C2CD2: variants seen among roughly 807,000 people sequenced by gnomAD.
C2CD2 encodes the protein C2 calcium dependent domain containing 2, also known as C2 domain-containing protein 2.
Under a neutral mutation model 74.3 loss-of-function variants are expected in C2CD2, and 43 were observed. That is an observed-to-expected ratio of 0.58 (90% CI 0.45 to 0.75). C2CD2 has a LOEUF of 0.75. C2CD2 is among the 30% of genes least tolerant of loss of function. The pLI is 0.00. For missense variants in C2CD2, 801 were observed against 916.3 expected (o/e 0.87, Z 1.63); for synonymous variants, 422 against 390.7 (o/e 1.08, Z -0.94).
Position 41,912,185 on chromosome 21 carries a change from C to A in C2CD2, c.953+147G>T, listed in dbSNP as rs1030731053. The A allele has an allele frequency of 1.2e-5, 7 of 561,980 alleles. No homozygotes were observed. In the East Asian group the frequency reaches 2.1e-4, roughly 17 times the overall value. 34.8% of individuals were successfully genotyped at this position (561,980 alleles called of 1,614,324 possible). ...AAAACCCATGTTTGACCTAAAGCTA[C>A]CTTTAAGATGCTTAAGACATCATTT... On this transcript the variant is annotated intron_variant, in intron 7 of 13. Coordinates refer to ENST00000380486, the MANE Select transcript of C2CD2 (RefSeq NM_015500.2).
At chr21:41,897,031 C>T (rs1569055700) in intron 13 of C2CD2, among the ~76,000 whole-genome samples, 1 of 152,230 alleles carries the variant, frequency 6.6e-6, no homozygotes, top group Non-Finnish European at 1.5e-5. Context: ...AGTTCTGAGC[C>T]TGCGTTGCAG....
At chr21:41,927,184 G>A (rs750051941) in intron 2 of C2CD2, among the ~76,000 whole-genome samples, 1 of 152,142 alleles carries the variant, frequency 6.6e-6, no homozygotes, top group Admixed American at 6.5e-5. Context: ...ATTTATTTTT[G>A]AGATGGAGTC....
Position 41,905,789 on chromosome 21 carries a change from A to T in C2CD2, c.1367T>A (p.Ile456Asn), listed in dbSNP as rs113513125. ...PIKVKVIEKD[I>N]SVQAIACRSA... Reference sequence around the variant, plus strand: ...GCGGCAGGCGATGGCCTGGACAGAGATGTCCTTCTCGATCACCTTCACCTT... The same window carrying T: ...GCGGCAGGCGATGGCCTGGACAGAGTTGTCCTTCTCGATCACCTTCACCTT... The change falls in exon 11 of 14, where the codon ATC (isoleucine) becomes AAC (asparagine). Residue 456 changes from isoleucine (I) to asparagine (N), a missense_variant. By Grantham distance (149) the Ile-to-Asn change is moderately radical (BLOSUM62 -3). Coordinates refer to ENST00000380486, the MANE Select transcript of C2CD2 (RefSeq NM_015500.2). 2 of 1,611,556 alleles carry T rather than the reference A, an allele frequency of 1.2e-6. No homozygotes were observed. The highest frequency in any genetic ancestry group is 1.7e-6 in the Non-Finnish European group (2 of 1,177,628).
intron 2 of C2CD2, among the ~76,000 whole-genome samples, chr21:41,935,111 C>T (rs1181292252): frequency 3.3e-5 from 5 of 152,212 alleles, no homozygotes; most frequent in South Asian, 2.1e-4. Context: ...AGGCTGGTCT[C>T]GAACTCCTGA....
At chr21:41,946,885 G>T (rs1301399950) in intron 1 of C2CD2, among the ~76,000 whole-genome samples, 4 of 152,024 alleles carry the variant, frequency 2.6e-5, no homozygotes, top group African/African-American at 9.7e-5. Flanking sequence ...ATGATCAACA[G>T]TCTTTAGTTA....
Position 41,896,634 on chromosome 21 carries a change from G to A in C2CD2, c.1870+2419C>T, listed in dbSNP as rs141240652. On this transcript the variant is annotated intron_variant, in intron 13 of 13. Transcript: ENST00000380486. ...AACCAGCAGAACCTCAGGAGGATTC[G>A]AAATACACAGGCACTCTCAGAAACC... 4.5e-4 allele frequency among the ~76,000 whole-genome samples: 57 copies of A among 126,832 alleles called. 1 individual carries two copies. In the East Asian group the frequency reaches 7.3e-3, roughly 16 times the overall value. 83.2% of individuals were successfully genotyped at this position (126,832 alleles called of 152,430 possible). A position where few individuals can be genotyped will look rare whatever the true frequency, so the allele number is the denominator to read the frequency against.
intron 11 of C2CD2, 126 bp downstream of exon 11, chr21:41,905,598 G>A: frequency 1.7e-6 from 1 of 602,250 alleles, no homozygotes; most frequent in African/African-American, 1.9e-5. Context: ...GATTACGGGT[G>A]TGAGCCACCA....
In C2CD2 at chr21:41,918,842, A is replaced by G; in HGVS notation, c.597+14T>C. 1.2e-6 allele frequency: 2 copies of G among 1,602,794 alleles called. No individual in the cohort carries two copies. The highest frequency in any genetic ancestry group is 1.7e-6 in the Non-Finnish European group (2 of 1,169,966). ...TCACGCCAATGGAAGAATCATAAAA[A>G]CTTACGGACTGACCTCCCCCAGTGC... On this transcript the variant is annotated intron_variant, in intron 4 of 13. Coordinates refer to ENST00000380486, the MANE Select transcript of C2CD2 (RefSeq NM_015500.2).
At chr21:41,902,299 C>T (rs1272773758) in intron 11 of C2CD2, among the ~76,000 whole-genome samples, 1 of 152,160 alleles carries the variant, frequency 6.6e-6, no homozygotes, top group Admixed American at 6.5e-5. Flanking sequence ...GTAACTAGAG[C>T]TATGAAGGGC....
intron 1 of C2CD2, among the ~76,000 whole-genome samples, chr21:41,942,635 G>A (rs1386411107): frequency 6.6e-6 from 1 of 152,198 alleles, no homozygotes; most frequent in Non-Finnish European, 1.5e-5. Context: ...GGCGCACCTC[G>A]CCCAGCACAG....
rs760712870 is a variant in C2CD2, at chr21:41,895,051, G to A, written c.1870+4002C>T. Reference sequence around the variant, plus strand: ...GGCTGGGAAGGCATTGTGTAGATGTGGATAACAACTCCAGCCAGTGGACTT... The same window carrying A: ...GGCTGGGAAGGCATTGTGTAGATGTAGATAACAACTCCAGCCAGTGGACTT... On this transcript the variant is annotated intron_variant, in intron 13 of 13. Transcript: ENST00000380486. This position sits in a 1 kb window ranked among gnomAD's most constrained non-coding sequence, Gnocchi z 5.0. 4.6e-6 allele frequency: 2 copies of A among 431,762 alleles called. No homozygotes were observed. Among genetic ancestry groups the A allele is most frequent in the South Asian group, 3.3e-5 (2 of 60,836 alleles). The allele number at this position is 431,762 out of a possible 1,614,324, so 26.7% of individuals were successfully genotyped here.
chr21:41,934,893 GT>G lies in C2CD2; in HGVS notation c.378+7253del, dbSNP rs568366775. Among the ~76,000 whole-genome samples, 25 of 151,112 alleles carry G rather than the reference GT, an allele frequency of 1.7e-4. 1 individual carries two copies. The South Asian group carries it at 4.0e-3, about 24-fold the overall frequency. On this transcript the variant is annotated intron_variant, in intron 2 of 13. Transcript: ENST00000380486. ...TGCTTGTTTGTTTGTCTGTTTGTTT[GT>G]TTTTTCTGTTTTTCCCGAGTAGAGT...
intron 2 of C2CD2, among the ~76,000 whole-genome samples, chr21:41,928,349 A>T (rs983195197): frequency 1.3e-5 from 2 of 152,168 alleles, no homozygotes; most frequent in Non-Finnish European, 2.9e-5. Flanking sequence ...ATCCAGACGA[A>T]CAGGTGGCCT....
chr21:41,953,401 G>A lies in C2CD2; in HGVS notation c.248C>T (p.Thr83Ile), dbSNP rs952109007. 1.7e-5 allele frequency: 24 copies of A among 1,418,790 alleles called. No individual in the cohort carries two copies. The highest frequency in any genetic ancestry group is 2.0e-5 in the Non-Finnish European group (22 of 1,082,634). 87.9% of individuals were successfully genotyped at this position (1,418,790 alleles called of 1,614,324 possible). ...CCTCTCGGCCTCCTCGTTCAGGGCG[G>A]TCACCCAGGCCGCCTGCCACTGGCT... ...WRSQWQAAWV[T>I]ALNEEAERKG... is the part of the protein sequence containing the mutation. Residue 83 changes from threonine (T) to isoleucine (I), a missense_variant, in exon 1 of 14, where the codon ACC (threonine) becomes ATC (isoleucine). Coordinates refer to ENST00000380486, the MANE Select transcript of C2CD2 (RefSeq NM_015500.2).
intron 2 of C2CD2, among the ~76,000 whole-genome samples, chr21:41,927,520 G>C (rs1253522263): frequency 6.6e-6 from 1 of 152,102 alleles, no homozygotes; most frequent in Non-Finnish European, 1.5e-5. Flanking sequence ...GCCCAGGCTG[G>C]AGTGTGGTGG....
At chr21:41,952,363 G>A (rs1391497729) in intron 1 of C2CD2, among the ~76,000 whole-genome samples, 1 of 152,198 alleles carries the variant, frequency 6.6e-6, no homozygotes, top group East Asian at 1.9e-4. Flanking sequence ...GGCCCGCCAT[G>A]GAATATTTTG....
chr21:41,901,830 T>C, intron 11 of C2CD2, 81 bp from the exon 12 acceptor site: 3 of 1,257,664 alleles, frequency 2.4e-6, no homozygotes, highest in Non-Finnish European at 3.5e-6. Flanking sequence ...ATGGAAATGG[T>C]CGATAAGCAA....
At chr21:41,931,926 TCCAGCATCCCAC>T (rs2065265475) in intron 2 of C2CD2, among the ~76,000 whole-genome samples, 2 of 11,868 alleles carry the variant, frequency 1.7e-4, no homozygotes, top group Admixed American at 1.1e-3. Context: ...CCACCCCACC[TCCAGCATCCCAC>T]CACCCCACCT....
intron 12 of C2CD2, chr21:41,900,990 AATAG>A (rs1259455600): frequency 4.6e-5 from 7 of 152,764 alleles, no homozygotes; most frequent in Admixed American, 2.0e-4. Context: ...AAAATAAATA[AATAG>A]ATAGATAAAA....
Sources: gnomAD v4.1 joint callset for allele counts (sites outside exome capture counted in the v4.1 genomes callset) on GRCh38, gnomAD v4.1.1 for gene constraint, Gnocchi (gnomAD v3.1) non-coding constraint, MANE v1.5 for transcripts, NCBI Gene and HGNC (gene_info 2026-07-23, HGNC 2026-07-21) for gene names.